TJP1: variants seen among roughly 807,000 people sequenced by gnomAD.
TJP1 encodes the protein tight junction protein ZO-1.
In TJP1, 43 loss-of-function variants were observed where a neutral mutation model predicts 194.2. That is an observed-to-expected ratio of 0.22 (90% CI 0.17 to 0.29). The LOEUF (loss-of-function observed/expected upper bound fraction) is 0.29. Among genes scored for constraint, TJP1 ranks in the 10% least tolerant of loss-of-function variants. The pLI is 1.00. For synonymous variants in TJP1, 801 were observed against 779.0 expected (o/e 1.03, Z -0.47); for missense variants, 1,971 against 2,185.7 (o/e 0.90, Z 1.96).
rs549257036 is a variant in TJP1, at chr15:29,903,591, C to T, written c.306+52641G>A. On this transcript the variant is annotated intron_variant, in intron 2 of 28. Coordinates refer to the TJP1 transcript ENST00000356107. ...TCCCAAGTAGCTGGGACTACAGGCA[C>T]CCGCCACCACGCCCGGCTAATTTTT... is the stretch of plus-strand genomic sequence containing the variant. Among the ~76,000 whole-genome samples, 1,251 of 152,150 alleles carry T rather than the reference C, an allele frequency of 8.2e-3. 14 individuals are homozygous for T. The highest frequency in any genetic ancestry group is 0.028 in the African/African-American group (1,177 of 41,518).
chr15:29,881,870 GAAAGT>G (rs1396581106), intron 2 of TJP1, among the ~76,000 whole-genome samples: 1 of 151,866 alleles, frequency 6.6e-6, no homozygotes, highest in Non-Finnish European at 1.5e-5. Context: ...CTGTGCTACA[GAAAGT>G]AAAGTGTTCA....
At chr15:29,932,636 T>C (rs1466693721) in intron 2 of TJP1, among the ~76,000 whole-genome samples, 1 of 152,088 alleles carries the variant, frequency 6.6e-6, no homozygotes, top group African/African-American at 2.4e-5. Context: ...ACATTAAAAT[T>C]ATGAGCGAGA....
In TJP1 at chr15:29,718,994, C is replaced by T. The variant is rs1377038673; in HGVS notation, c.3148G>A (p.Ala1050Thr). The change falls in exon 21 of 28, where the codon GCC (alanine) becomes ACC (threonine). Residue 1050 changes from alanine (A) to threonine (T), a missense_variant. Physicochemically the swap from Ala to Thr is moderately conservative, Grantham distance 58 (BLOSUM62 0). Transcript: ENST00000614355. ...EPQLPYVEKQ[A>T]SRDLEQPTYR... ...GTGGGCTGCTCGAGGTCTCTGCTGG[C>T]TTGTTTCTCTACGTATGGGAGTTGG... 4.3e-6 allele frequency: 7 copies of T among 1,614,148 alleles called. No individual in the cohort carries two copies.
At chr15:29,725,115 C>T (rs1162976684) in intron 18 of TJP1, among the ~76,000 whole-genome samples, 1 of 152,156 alleles carries the variant, frequency 6.6e-6, no homozygotes, top group African/African-American at 2.4e-5. Context: ...TCAAGTGCTG[C>T]AAAAGTAGAA....
chr15:29,909,744 A>G (rs1431708253), intron 2 of TJP1, among the ~76,000 whole-genome samples: 1 of 151,902 alleles, frequency 6.6e-6, no homozygotes, highest in Non-Finnish European at 1.5e-5. Flanking sequence ...TTTTGAGGTG[A>G]GCGGGGCATC....
rs138474206 is a variant in TJP1 at position 29,882,331 on chromosome 15, C to T, written c.306+73901G>A. ...AGGCTCAAAGCTATAACTACAGAGC[C>T]GACTTTAAATATGAAATGGCTTTCA... On this transcript the variant is annotated intron_variant, in intron 2 of 28. Coordinates refer to the TJP1 transcript ENST00000356107. 4.3e-4 allele frequency among the ~76,000 whole-genome samples: 65 copies of T among 152,204 alleles called. No homozygotes were observed. In the East Asian group the frequency reaches 9.6e-3, roughly 23 times the overall value.
intron 15 of TJP1, chr15:29,730,689 C>G: frequency 1.3e-6 from 1 of 752,814 alleles, no homozygotes; most frequent in South Asian, 1.4e-5. Flanking sequence ...CGTCCAGCAC[C>G]TACGTCCTGT....
At chr15:29,845,582 G>T (rs571156829) in intron 2 of TJP1, among the ~76,000 whole-genome samples, 4 of 152,274 alleles carry the variant, frequency 2.6e-5, no homozygotes, top group Non-Finnish European at 5.9e-5. Flanking sequence ...GAGGCGGGCA[G>T]ATCACGAGGG....
At chr15:29,953,584 G>A (rs11638210) in intron 2 of TJP1, among the ~76,000 whole-genome samples, 14,793 of 152,176 alleles carry the variant, frequency 0.097, 860 homozygotes, top group South Asian at 0.16. Context: ...AAGCTGTTAA[G>A]CTCTTCTTAT....
intron 2 of TJP1, among the ~76,000 whole-genome samples, chr15:29,926,330 A>C (rs993538272): frequency 2.0e-5 from 3 of 152,162 alleles, no homozygotes; most frequent in African/African-American, 7.2e-5. Flanking sequence ...TGGGAACAAG[A>C]GCTAGGCGCA....
chr15:29,715,732 C>A (rs2042523811), intron 23 of TJP1, among the ~76,000 whole-genome samples: 1 of 152,164 alleles, frequency 6.6e-6, no homozygotes, highest in Admixed American at 6.5e-5. Flanking sequence ...CAGCAGAGCC[C>A]TCTGAATGAG....
chr15:29,702,186 T>G (rs2033221926), intron 27 of TJP1, among the ~76,000 whole-genome samples: 1 of 152,028 alleles, frequency 6.6e-6, no homozygotes, highest in Non-Finnish European at 1.5e-5. Context: ...CACTCAACTA[T>G]AAACCAACAA....
intron 25 of TJP1, among the ~76,000 whole-genome samples, chr15:29,706,223 G>A (rs1016461338): frequency 1.2e-4 from 18 of 152,152 alleles, no homozygotes; most frequent in African/African-American, 2.7e-4. Context: ...GTGAGCCACC[G>A]CGCCTGGCGA....
At chr15:29,783,729 G>A (rs2047521611) in intron 2 of TJP1, among the ~76,000 whole-genome samples, 1 of 152,202 alleles carries the variant, frequency 6.6e-6, no homozygotes, top group African/African-American at 2.4e-5. Flanking sequence ...AACACTGCAT[G>A]TTCTCACTTA....
chr15:29,830,313 ATAT>A (rs1455079800), intron 2 of TJP1, among the ~76,000 whole-genome samples: 25 of 150,070 alleles, frequency 1.7e-4, no homozygotes, highest in Admixed American at 9.3e-4. Flanking sequence ...TGTCAGAATA[ATAT>A]TATTTATATG....
intron 2 of TJP1, among the ~76,000 whole-genome samples, chr15:29,884,008 C>T (rs542754742): frequency 2.6e-5 from 4 of 152,200 alleles, no homozygotes; most frequent in East Asian, 1.9e-4. Flanking sequence ...CCCAGGAAAA[C>T]GATTTTAGGC....
rs192492540 is a variant in TJP1 at position 29,740,037 on chromosome 15, G to A, written c.1256+1294C>T. On this transcript the variant is annotated intron_variant, in intron 10 of 27. Coordinates refer to ENST00000614355, the MANE Select transcript of TJP1 (RefSeq NM_001330239.4). ...GAGTCTCGCTCTGTCACCCAGGCTA[G>A]AGTGCAGTGGTGTGACCTCGGCTCA... 3.1e-3 allele frequency among the ~76,000 whole-genome samples: 473 copies of A among 151,584 alleles called. 7 individuals are homozygous for A. The highest frequency in any genetic ancestry group is 2.3e-3 in the Non-Finnish European group (157 of 67,898).
rs2042863753 is a variant in TJP1, at chr15:29,720,490, G to A, written c.2631C>T (p.Ser877=). Residue 877 remains serine, a synonymous_variant, in exon 19 of 28, where the codon TCC becomes TCT. Transcript: ENST00000614355. ...AGGAGTCCTCTCTTACAGGCTCAGA[G>A]GACCGTGTAATGGCAGACTCCGGTG... ...GTPPESAITR[S]SEPVREDSSG... is the part of the protein sequence containing the mutation. 1 of 1,614,100 alleles carries A rather than the reference G, an allele frequency of 6.2e-7. No homozygotes were observed. The highest frequency in any genetic ancestry group is 1.1e-5 in the South Asian group (1 of 91,070).
chr15:29,888,174 A>C (rs530589564), intron 2 of TJP1, among the ~76,000 whole-genome samples: 17 of 152,258 alleles, frequency 1.1e-4, no homozygotes, highest in Non-Finnish European at 2.4e-4. Context: ...ATATTCAATA[A>C]AAATACAATT....
Sources: allele counts gnomAD v4.1 joint callset (sites outside exome capture counted in the v4.1 genomes callset), GRCh38; gene constraint gnomAD v4.1.1; transcripts MANE v1.5; gene names NCBI Gene and HGNC (gene_info 2026-07-23, HGNC 2026-07-21).